UHRF2: variants seen among roughly 807,000 people sequenced by gnomAD.
UHRF2 encodes E3 ubiquitin-protein ligase UHRF2.
A neutral mutation model predicts 96.8 loss-of-function variants in UHRF2; 23 were observed. That is an observed-to-expected ratio of 0.24 (90% CI 0.17 to 0.34). The LOEUF (loss-of-function observed/expected upper bound fraction) is 0.34, where lower values mean the gene tolerates loss of function less well. UHRF2 is among the 10% of genes least tolerant of loss of function. The pLI, the probability that UHRF2 is intolerant of heterozygous loss-of-function variation, is 1.00. For synonymous variants in UHRF2, 385 were observed against 332.6 expected, an observed-to-expected ratio of 1.16 and a Z score of -1.72; for missense variants, 685 against 981.5, an observed-to-expected ratio of 0.70 and a Z score of 4.04.
rs1248747324 is a variant in UHRF2, at chr9:6,452,331, C to A, written c.645-8242C>A. 5.9e-5 allele frequency among the ~76,000 whole-genome samples: 9 copies of A among 152,140 alleles called. No homozygotes were observed. In the East Asian group the frequency reaches 1.3e-3, roughly 23 times the overall value. ...GAGGTGGAATTCCTGGGTCAGAAAG[C>A]AAATGTATAGACAGTGTTTCTGGTA... On this transcript the variant is annotated intron_variant, in intron 3 of 15. Transcript: ENST00000276893.
intron 3 of UHRF2, among the ~76,000 whole-genome samples, chr9:6,456,708 T>C (rs1323081201): frequency 1.3e-5 from 2 of 152,246 alleles, no homozygotes; most frequent in Non-Finnish European, 2.9e-5. Flanking sequence ...TTAATTTTTA[T>C]ATAAGGTGTA....
At chr9:6,429,057 C>T (rs544419255) in intron 2 of UHRF2, among the ~76,000 whole-genome samples, 1 of 151,972 alleles carries the variant, frequency 6.6e-6, no homozygotes, top group African/African-American at 2.4e-5. Flanking sequence ...CCCAGCTACT[C>T]AGGAGGCTGA....
chr9:6,445,389 G>C (rs1386634507), intron 3 of UHRF2, among the ~76,000 whole-genome samples: 1 of 151,788 alleles, frequency 6.6e-6, no homozygotes, highest in African/African-American at 2.4e-5. Context: ...TCAGCCTCCT[G>C]AGTAACGGAT....
intron 15 of UHRF2, among the ~76,000 whole-genome samples, chr9:6,505,457 A>G (rs1198051643): frequency 6.6e-6 from 1 of 152,014 alleles, no homozygotes; most frequent in Non-Finnish European, 1.5e-5. Context: ...CACCCTGCCC[A>G]GCTAATTTTT....
intron 3 of UHRF2, among the ~76,000 whole-genome samples, chr9:6,445,981 C>CTTTTTTTTTTTTTTTT (rs57147850): frequency 1.0e-4 from 8 of 78,904 alleles, no homozygotes; most frequent in African/African-American, 3.7e-4. Flanking sequence ...CCCCGCCACC[C>CTTTTTTTTTTTTTTTT]TTTTTTTTTT....
intron 2 of UHRF2, 113 bp from the exon 3 acceptor site, chr9:6,433,801 G>C: frequency 9.4e-7 from 1 of 1,065,742 alleles, no homozygotes; most frequent in Non-Finnish European, 1.3e-6. Flanking sequence ...TTAAACATGA[G>C]TAGCTGCAAA....
In UHRF2 at chr9:6,485,456, A is replaced by G. The variant is rs536690217; in HGVS notation, c.1393-1365A>G. Among the ~76,000 whole-genome samples, 5 of 152,090 alleles carry G rather than the reference A, an allele frequency of 3.3e-5. No individual in the cohort carries two copies. The South Asian group carries it at 1.0e-3, about 32-fold the overall frequency. ...ATTTGCTATTTAGAAAGTGGGGAAG[A>G]TTTAGGAAAAACAGATTATTTTGGC... is the stretch of plus-strand genomic sequence containing the variant. On this transcript the variant is annotated intron_variant, in intron 8 of 15. Coordinates refer to ENST00000276893, the MANE Select transcript of UHRF2 (RefSeq NM_152896.3).
chr9:6,497,382 C>A (rs1173374980), intron 11 of UHRF2, 22 bp downstream of exon 11: 2 of 1,607,934 alleles, frequency 1.2e-6, no homozygotes, highest in Non-Finnish European at 1.7e-6. Flanking sequence ...GGCATGACAT[C>A]TTGTTTGTCA....
intron 6 of UHRF2, among the ~76,000 whole-genome samples, chr9:6,480,313 C>G (rs984047507): frequency 2.6e-5 from 4 of 152,320 alleles, no homozygotes; most frequent in Admixed American, 2.6e-4. Flanking sequence ...GAAATTCTTT[C>G]CGTATATGTT....
At chr9:6,439,156 A>T (rs188584996) in intron 3 of UHRF2, among the ~76,000 whole-genome samples, 1 of 152,176 alleles carries the variant, frequency 6.6e-6, no homozygotes, top group Admixed American at 6.5e-5. Flanking sequence ...GTCCTTTTCT[A>T]TAGATTTCTT....
At chr9:6,473,692 G>T (rs963632067) in intron 4 of UHRF2, among the ~76,000 whole-genome samples, 3 of 152,174 alleles carry the variant, frequency 2.0e-5, no homozygotes, top group Non-Finnish European at 4.4e-5. Context: ...ATAGTAAATA[G>T]TTTAACATGG....
intron 2 of UHRF2, among the ~76,000 whole-genome samples, chr9:6,425,953 A>G (rs1820234993): frequency 6.6e-6 from 1 of 152,190 alleles, no homozygotes; most frequent in Non-Finnish European, 1.5e-5. Context: ...ATTACTTTTC[A>G]TCTTTGGCCA....
At position 6,433,984 on chromosome 9, in the gene UHRF2, C is replaced by G; in HGVS notation, c.455C>G (p.Thr152Ser). 1 of 1,614,070 alleles carries G rather than the reference C, an allele frequency of 6.2e-7. No homozygotes were observed. The highest frequency in any genetic ancestry group is 8.5e-7 in the Non-Finnish European group (1 of 1,180,032). The change falls in exon 3 of 16, where the codon ACT becomes AGT. Residue 152 changes from threonine (T) to serine (S), a missense_variant. By Grantham distance (58) the Thr-to-Ser change is moderately conservative. This residue lies in a region of UHRF2 where 391 missense variants were observed against 437.0 expected (regional missense o/e 0.89). Transcript: ENST00000276893. ...TTTGAAGCACACATACATAGTGTTACTAGAGCTTCTGATGGACAGTCACGT... is the reference window on the plus strand; with the variant it reads ...TTTGAAGCACACATACATAGTGTTAGTAGAGCTTCTGATGGACAGTCACGT... ...AWFEAHIHSVTRASDGQSRGK... is the reference protein window; with the variant it reads ...AWFEAHIHSVSRASDGQSRGK...
chr9:6,434,805 A>G (rs1377143633), intron 3 of UHRF2, among the ~76,000 whole-genome samples: 4 of 152,032 alleles, frequency 2.6e-5, no homozygotes, highest in Admixed American at 2.6e-4. Flanking sequence ...TATGTAGTGT[A>G]ATAGCATTAG....
At chr9:6,499,440 C>T (rs1169762888) in intron 12 of UHRF2, 3 of 152,546 alleles carry the variant, frequency 2.0e-5, no homozygotes, top group Admixed American at 2.0e-4. Context: ...TTTAGATCAA[C>T]TCCACAATTT....
At chr9:6,484,442 C>T (rs541325093) in intron 8 of UHRF2, among the ~76,000 whole-genome samples, 26 of 144,418 alleles carry the variant, frequency 1.8e-4, no homozygotes, top group Non-Finnish European at 3.5e-4. Context: ...TCTCTTCCCT[C>T]CTCCCTCCTC....
intron 3 of UHRF2, among the ~76,000 whole-genome samples, chr9:6,457,122 G>C (rs748023467): frequency 5.9e-5 from 9 of 152,172 alleles, no homozygotes; most frequent in Non-Finnish European, 8.8e-5. Flanking sequence ...TCACAATACT[G>C]ATTCTTCTAT....
At chr9:6,455,105 T>G (rs1325627111) in intron 3 of UHRF2, among the ~76,000 whole-genome samples, 1 of 152,160 alleles carries the variant, frequency 6.6e-6, no homozygotes, top group Admixed American at 6.5e-5. Flanking sequence ...CTCTACTACC[T>G]AGCAATACAT....
chr9:6,434,900 G>A (rs1820751766), intron 3 of UHRF2, among the ~76,000 whole-genome samples: 1 of 151,912 alleles, frequency 6.6e-6, no homozygotes, highest in African/African-American at 2.4e-5. Flanking sequence ...ATGTGATCCT[G>A]GCTCGCTGCA....
Sources: allele counts gnomAD v4.1 joint callset (sites outside exome capture counted in the v4.1 genomes callset), GRCh38; gene constraint gnomAD v4.1.1; regional missense constraint gnomAD v4.1.1; transcripts MANE v1.5; gene names NCBI Gene and HGNC (gene_info 2026-07-23, HGNC 2026-07-21).